Variants in NRG3 observed in about 807,000 individuals in gnomAD.
NRG3 encodes the protein neuregulin 3, also known as pro-neuregulin-3, membrane-bound isoform.
In NRG3, 31 loss-of-function variants were observed where a neutral mutation model predicts 66.9. That is an observed-to-expected ratio of 0.46 (90% CI 0.35 to 0.63). NRG3 has a LOEUF of 0.63. NRG3 is among the 20% of genes least tolerant of loss of function. NRG3 has a pLI of 0.00. For synonymous variants in NRG3, 393 were observed against 359.4 expected (o/e 1.09, Z -1.06); for missense variants, 910 against 878.9 (o/e 1.04, Z -0.45).
intron 4 of NRG3, among the ~76,000 whole-genome samples, chr10:82,902,978 G>T (rs778584195): frequency 1.3e-5 from 2 of 152,026 alleles, no homozygotes; most frequent in South Asian, 4.1e-4. Context: ...TTAAGGAAAA[G>T]TTAGGCATGT....
intron 1 of NRG3, among the ~76,000 whole-genome samples, chr10:82,152,440 A>T (rs561498450): frequency 6.6e-6 from 1 of 152,260 alleles, no homozygotes; most frequent in Admixed American, 6.5e-5. Flanking sequence ...GTTTGGCCAA[A>T]AGTCACCCAG....
intron 1 of NRG3, among the ~76,000 whole-genome samples, chr10:82,293,887 G>C (rs544307493): frequency 5.9e-5 from 9 of 151,618 alleles, no homozygotes; most frequent in South Asian, 2.1e-4. Context: ...ATTTTTCTAT[G>C]CCTCCTTCAA....
intron 3 of NRG3, among the ~76,000 whole-genome samples, chr10:82,767,119 T>G (rs2059545489): frequency 6.6e-6 from 1 of 151,708 alleles, no homozygotes; most frequent in African/African-American, 2.4e-5. Context: ...TATATTTCCT[T>G]TCAGTATAGC....
At chr10:82,573,917 G>A (rs2133143245) in intron 2 of NRG3, among the ~76,000 whole-genome samples, 1 of 151,836 alleles carries the variant, frequency 6.6e-6, no homozygotes, top group Middle Eastern at 3.4e-3. Context: ...TTCTAAATTT[G>A]GCGAAAGAAG....
intron 2 of NRG3, among the ~76,000 whole-genome samples, chr10:82,666,759 A>G (rs535888969): frequency 6.6e-6 from 1 of 152,196 alleles, no homozygotes; most frequent in African/African-American, 2.4e-5. Flanking sequence ...GTTAAATCCA[A>G]TCATGGCTTC....
chr10:82,287,875 T>G (rs573602515), intron 1 of NRG3, among the ~76,000 whole-genome samples: 13 of 152,170 alleles, frequency 8.5e-5, no homozygotes, highest in African/African-American at 3.1e-4. Flanking sequence ...GGTTCCTCCC[T>G]CAGGTTGCTC....
intron 2 of NRG3, among the ~76,000 whole-genome samples, chr10:82,685,017 G>T (rs2054402892): frequency 6.6e-6 from 1 of 152,030 alleles, no homozygotes. Flanking sequence ...ATATGGGAAG[G>T]GAGGGTAAGG....
chr10:82,352,752 T>TG (rs1468424847), intron 1 of NRG3, among the ~76,000 whole-genome samples: 4 of 151,646 alleles, frequency 2.6e-5, no homozygotes, highest in Admixed American at 2.0e-4. Flanking sequence ...GTATTGAAAG[T>TG]GGGGGGCAGT....
At chr10:82,814,533 T>C (rs941634683) in intron 3 of NRG3, among the ~76,000 whole-genome samples, 16 of 152,200 alleles carry the variant, frequency 1.1e-4, no homozygotes, top group African/African-American at 3.9e-4. Flanking sequence ...TTGATCCTAG[T>C]GTTAAATAAT....
chr10:82,917,853 C>A (rs1256556167), intron 4 of NRG3, among the ~76,000 whole-genome samples: 1 of 151,668 alleles, frequency 6.6e-6, no homozygotes, highest in Non-Finnish European at 1.5e-5. Flanking sequence ...GTAGACTAGA[C>A]TGTTAACTGG....
intron 1 of NRG3, among the ~76,000 whole-genome samples, chr10:82,080,301 G>T (rs182899367): frequency 2.5e-3 from 380 of 152,234 alleles, no homozygotes; most frequent in African/African-American, 8.4e-3. Context: ...AACAACCCTG[G>T]GTTCTTGGTG....
At chr10:82,981,855 A>G (rs1852938542) in intron 8 of NRG3, among the ~76,000 whole-genome samples, 1 of 152,226 alleles carries the variant, frequency 6.6e-6, no homozygotes, top group Non-Finnish European at 1.5e-5. Context: ...TGGAATCACA[A>G]AAGTTAGATT....
At position 82,210,715 on chromosome 10, in the gene NRG3, T is replaced by C. The variant is rs142740475; in HGVS notation, c.824-148024T>C. On this transcript the variant is annotated intron_variant, in intron 1 of 8. Transcript: ENST00000372141. ...CACCCTAAATCAACACCATATCAAA[T>C]TGACAAACTGTTTAAGGCTGCAAAA... Among the ~76,000 whole-genome samples the C allele has an allele frequency of 1.4e-3, 207 of 152,268 alleles. 2 individuals carry two copies. The highest frequency in any genetic ancestry group is 2.2e-3 in the Non-Finnish European group (148 of 68,018).
intron 2 of NRG3, among the ~76,000 whole-genome samples, chr10:82,442,576 G>C (rs546719042): frequency 6.6e-6 from 1 of 152,258 alleles, no homozygotes; most frequent in Admixed American, 6.5e-5. Context: ...GGTGGCTGGA[G>C]TTCAGAGAGG....
chr10:82,015,802 A>G (rs1047138537), intron 1 of NRG3, among the ~76,000 whole-genome samples: 1 of 151,948 alleles, frequency 6.6e-6, no homozygotes, highest in Admixed American at 6.6e-5. Context: ...ACTGTATGGC[A>G]TAATTTAATT....
At chr10:82,573,290 T>C (rs779270171) in intron 2 of NRG3, among the ~76,000 whole-genome samples, 1 of 151,804 alleles carries the variant, frequency 6.6e-6, no homozygotes, top group Non-Finnish European at 1.5e-5. Flanking sequence ...TCAGTCTAAA[T>C]GGAGTCCTGA....
chr10:82,191,945 A>G (rs1030384537), intron 1 of NRG3, among the ~76,000 whole-genome samples: 1 of 152,154 alleles, frequency 6.6e-6, no homozygotes, highest in African/African-American at 2.4e-5. Flanking sequence ...GTTCGATTCT[A>G]ATACATGAAC....
At chr10:82,133,923 T>C (rs2069127992) in intron 1 of NRG3, among the ~76,000 whole-genome samples, 1 of 152,164 alleles carries the variant, frequency 6.6e-6, no homozygotes, top group Admixed American at 6.5e-5. Flanking sequence ...CTCACCAGCA[T>C]ATGTTATTTT....
intron 4 of NRG3, 106 bp from the exon 5 acceptor site, chr10:82,951,363 A>G (rs1849498966): frequency 2.5e-6 from 2 of 784,968 alleles, no homozygotes; most frequent in Admixed American, 4.8e-5. Context: ...CAGAAACCAA[A>G]AAGTTGGCTT....
Sources: gnomAD v4.1 joint callset for allele counts (sites outside exome capture counted in the v4.1 genomes callset) on GRCh38, gnomAD v4.1.1 for gene constraint, MANE v1.5 for transcripts, NCBI Gene and HGNC (gene_info 2026-07-23, HGNC 2026-07-21) for gene names.